SLITRK2: variants seen among roughly 807,000 people sequenced by gnomAD.
SLITRK2 encodes SLIT and NTRK like family member 2, also known as SLIT and NTRK-like protein 2.
A neutral mutation model predicts 35.4 loss-of-function variants in SLITRK2; 13 were observed. The ratio of observed to expected loss-of-function variants is 0.37; its 90% CI spans 0.24 to 0.58. The LOEUF is 0.58. Ranked by LOEUF, SLITRK2 falls within the 20% of genes least tolerant of loss-of-function variation. The probability of loss-of-function intolerance (pLI) is 0.75; values close to 1 mark genes in which losing one functional copy is unlikely to be tolerated. For synonymous variants in SLITRK2, 294 were observed against 264.7 expected, an observed-to-expected ratio of 1.11 and a Z score of -1.07; for missense variants, 471 against 634.3, an observed-to-expected ratio of 0.74 and a Z score of 2.76.
In SLITRK2 at chrX:145,825,011, C is replaced by T. The variant is rs782590382; in HGVS notation, c.*48C>T. On this transcript the variant is annotated 3_prime_UTR_variant, in exon 5 of 5. Coordinates refer to ENST00000335565, the MANE Select transcript of SLITRK2 (RefSeq NM_032539.5). ...AGGCATCAGAGGATGCTGCTCCGAACTGTTGGAAACAAGGACATTAGCTTT... is the reference window on the plus strand; with the variant it reads ...AGGCATCAGAGGATGCTGCTCCGAATTGTTGGAAACAAGGACATTAGCTTT... 3.2e-5 allele frequency: 37 copies of T among 1,140,886 alleles called. No individual in the cohort carries two copies. The highest frequency in any genetic ancestry group is 4.1e-5 in the Non-Finnish European group (35 of 856,532). 94.0% of individuals were successfully genotyped at this position (1,140,886 alleles called of 1,213,427 possible).
chrX:145,819,984 G>A (rs1390529956), intron 1 of SLITRK2: 2 of 111,783 alleles, frequency 1.8e-5, no homozygotes, highest in East Asian at 2.8e-4. Flanking sequence ...CGCCCTTCCC[G>A]GAGAGAAAGG....
chrX:145,827,557 C>T lies in SLITRK2; in HGVS notation c.*2594C>T, dbSNP rs2073137328. ...ACTTACTTACACGATTTTAAAGACG[C>T]CTACTGAGAGAACTCAAATTTATAA... On this transcript the variant is annotated 3_prime_UTR_variant, in exon 5 of 5. Coordinates refer to ENST00000335565, the MANE Select transcript of SLITRK2 (RefSeq NM_032539.5). 1 of 626,531 alleles carries T rather than the reference C, an allele frequency of 1.6e-6. No homozygotes were observed. Among genetic ancestry groups the T allele is most frequent in the South Asian group, 4.0e-5 (1 of 24,827 alleles). 51.6% of individuals were successfully genotyped at this position (626,531 alleles called of 1,213,427 possible).
Position 145,829,165 on chromosome X carries a change from A to G in SLITRK2, c.*4202A>G, listed in dbSNP as rs781872494. ...ATATAGGTGTACTTTGCTTCTCACA[A>G]TGATTGTGCAAAAAGTCACGTGTAA... On this transcript the variant is annotated 3_prime_UTR_variant, in exon 5 of 5. Coordinates refer to ENST00000335565, the MANE Select transcript of SLITRK2 (RefSeq NM_032539.5). 1.2e-4 allele frequency: 15 copies of G among 123,863 alleles called. 1 individual carries two copies. The Admixed American group carries it at 1.3e-3, about 11-fold the overall frequency. The allele number at this position is 123,863 out of a possible 1,213,427, so 10.2% of individuals were successfully genotyped here. A position where few individuals can be genotyped will look rare whatever the true frequency, so the allele number is the denominator to read the frequency against.
chrX:145,829,854 A>C lies in SLITRK2; in HGVS notation c.*4891A>C, dbSNP rs1556946461. On this transcript the variant is annotated 3_prime_UTR_variant, in exon 5 of 5. Coordinates refer to ENST00000335565, the MANE Select transcript of SLITRK2 (RefSeq NM_032539.5). The stretch of plus-strand genomic sequence containing the variant: ...TGCCTAATAGTGACATTGTTTCAAA[A>C]AATAAATGTCATATTTTGGGCTGTT... 1 of 123,504 alleles carries C rather than the reference A, an allele frequency of 8.1e-6. No individual in the cohort carries two copies. Among genetic ancestry groups the C allele is most frequent in the Admixed American group, 9.5e-5 (1 of 10,580 alleles). 10.2% of individuals were successfully genotyped at this position (123,504 alleles called of 1,213,427 possible).
At position 145,822,738 on chromosome X, in the gene SLITRK2, G is replaced by T. The variant is rs1382999990; in HGVS notation, c.313G>T (p.Ala105Ser). The change falls in exon 5 of 5, where the codon GCA becomes TCA. Residue 105 changes from alanine (A) to serine (S), a missense_variant. Around this residue, in one of 7 missense-constraint regions of SLITRK2, gnomAD observed 98 missense variants for 120.6 expected, o/e 0.81. Coordinates refer to ENST00000335565, the MANE Select transcript of SLITRK2 (RefSeq NM_032539.5). ...NNGLQEIRTG[A>S]FSGLKTLKRL... ...CGGGTTACAGGAGATCCGAACGGGG[G>T]CATTCAGTGGCCTGAAAACTCTCAA... is the stretch of plus-strand genomic sequence containing the variant. 8.3e-7 allele frequency: 1 copy of T among 1,208,801 alleles called. No homozygotes were observed. Among genetic ancestry groups the T allele is most frequent in the Non-Finnish European group, 1.1e-6 (1 of 894,876 alleles).
chrX:145,828,101 C>T lies in SLITRK2; in HGVS notation c.*3138C>T. 1.2e-6 allele frequency: 1 copy of T among 840,766 alleles called. No individual in the cohort carries two copies. Among genetic ancestry groups the T allele is most frequent in the Middle Eastern group, 2.9e-4 (1 of 3,424 alleles). 69.3% of individuals were successfully genotyped at this position (840,766 alleles called of 1,213,427 possible). The stretch of plus-strand genomic sequence containing the variant: ...CTGTGGCTAAGTTTTTATTGAAACA[C>T]TCAAAAATACCACTTCTCAGTATGA... On this transcript the variant is annotated 3_prime_UTR_variant, in exon 5 of 5. Transcript: ENST00000335565.
At position 145,821,386 on chromosome X, in the gene SLITRK2, G is replaced by C. The variant is rs1391228915; in HGVS notation, c.-691G>C. 9.1e-6 allele frequency: 1 copy of C among 109,895 alleles called. No homozygotes were observed. Among genetic ancestry groups the C allele is most frequent in the Non-Finnish European group, 1.9e-5 (1 of 52,555 alleles). The allele number at this position is 109,895 out of a possible 1,213,427, so 9.1% of individuals were successfully genotyped here. ...TAGTTCAGAATCAACTGACGCAGCCGGGAATTGAGCTTTGCAAAGCCACTT... is the reference window on the plus strand; with the variant it reads ...TAGTTCAGAATCAACTGACGCAGCCCGGAATTGAGCTTTGCAAAGCCACTT... On this transcript the variant is annotated 5_prime_UTR_variant, in exon 3 of 5. Transcript: ENST00000335565.
Position 145,824,117 on chromosome X carries a change from T to G in SLITRK2, c.1692T>G (p.His564Gln). The stretch of plus-strand genomic sequence containing the variant: ...TGACTTGCGAATCTCCTGCTAAGCA[T>G]GCAGGGGAGATACTAAAATTTCTGG... ...NEVTCESPAK[H>Q]AGEILKFLGR... is the part of the protein sequence containing the mutation. Residue 564 changes from histidine (H) to glutamine (Q), a missense_variant, in exon 5 of 5, where the codon CAT (histidine) becomes CAG (glutamine). This residue lies in a region of SLITRK2 where 92 missense variants were observed against 184.2 expected (regional missense o/e 0.50). Transcript: ENST00000335565. 1 of 1,210,831 alleles carries G rather than the reference T, an allele frequency of 8.3e-7. No individual in the cohort carries two copies. The highest frequency in any genetic ancestry group is 1.1e-6 in the Non-Finnish European group (1 of 895,157).
rs2073136846 is a variant in SLITRK2, at chrX:145,827,496, T to G, written c.*2533T>G. 1 of 358,047 alleles carries G rather than the reference T, an allele frequency of 2.8e-6. No individual in the cohort carries two copies. Among genetic ancestry groups the G allele is most frequent in the East Asian group, 4.9e-5 (1 of 20,473 alleles). The allele number at this position is 358,047 out of a possible 1,213,427, so 29.5% of individuals were successfully genotyped here. Reference sequence around the variant, plus strand: ...CATTGTCCATAGAAAAAATATTAACTCATTAAGTTTAAAGACAGATGATAC... The same window carrying G: ...CATTGTCCATAGAAAAAATATTAACGCATTAAGTTTAAAGACAGATGATAC... On this transcript the variant is annotated 3_prime_UTR_variant, in exon 5 of 5. Transcript: ENST00000335565.
chrX:145,819,668 A>T (rs929445019), intron 1 of SLITRK2: 3 of 112,320 alleles, frequency 2.7e-5, no homozygotes, highest in African/African-American at 9.7e-5. Flanking sequence ...TTGTGCTCCC[A>T]CTGCATCAGA....
rs1395403141 is a variant in SLITRK2, at chrX:145,821,687, C to T, written c.-390C>T. On this transcript the variant is annotated 5_prime_UTR_variant, in exon 3 of 5. Coordinates refer to ENST00000335565, the MANE Select transcript of SLITRK2 (RefSeq NM_032539.5). ...TCCCTGGCAGCTCGGCTTCCCTCAG[C>T]TCCAACTCTTCTCTTCCGCTCCTGC... is the stretch of plus-strand genomic sequence containing the variant. The T allele has an allele frequency of 1.8e-5, 2 of 111,824 alleles. No individual in the cohort carries two copies. Among genetic ancestry groups the T allele is most frequent in the African/African-American group, 6.5e-5 (2 of 30,716 alleles). The allele number at this position is 111,824 out of a possible 1,213,427, so 9.2% of individuals were successfully genotyped here. A position where few individuals can be genotyped will look rare whatever the true frequency, so the allele number is the denominator to read the frequency against.
At position 145,825,911 on chromosome X, in the gene SLITRK2, TTA is replaced by T. The variant is rs1234371461; in HGVS notation, c.*949_*950del. 2.5e-5 allele frequency: 3 copies of T among 120,343 alleles called. No individual in the cohort carries two copies. The highest frequency in any genetic ancestry group is 5.6e-5 in the Non-Finnish European group (3 of 53,276). The allele number at this position is 120,343 out of a possible 1,213,427, so 9.9% of individuals were successfully genotyped here. A position where few individuals can be genotyped will look rare whatever the true frequency, so the allele number is the denominator to read the frequency against. On this transcript the variant is annotated 3_prime_UTR_variant, in exon 5 of 5. Transcript: ENST00000335565. Reference sequence around the variant, plus strand: ...ATTTTACACTAACATGGTGAGTGTTTTAGATTATTTTCCTAATTAAAAGAACG... The same window carrying T: ...ATTTTACACTAACATGGTGAGTGTTTGATTATTTTCCTAATTAAAAGAACG...
chrX:145,827,889 A>T lies in SLITRK2; in HGVS notation c.*2926A>T. 1 of 1,211,101 alleles carries T rather than the reference A, an allele frequency of 8.3e-7. No homozygotes were observed. Among genetic ancestry groups the T allele is most frequent in the Non-Finnish European group, 1.1e-6 (1 of 895,180 alleles). On this transcript the variant is annotated 3_prime_UTR_variant, in exon 5 of 5. Transcript: ENST00000335565. The stretch of plus-strand genomic sequence containing the variant: ...TTCCACAGCTGGATATTGCTATTTC[A>T]CTTTTATTTCACATGCAGCTTTAAG...
At position 145,822,601 on chromosome X, in the gene SLITRK2, C is replaced by A. The variant is rs782547406; in HGVS notation, c.176C>A (p.Pro59His). The A allele has an allele frequency of 8.3e-7, 1 of 1,211,177 alleles. No homozygotes were observed. Among genetic ancestry groups the A allele is most frequent in the Non-Finnish European group, 1.1e-6 (1 of 894,954 alleles). Residue 59 changes from proline to histidine, a missense_variant, in exon 5 of 5, where the codon CCC becomes CAC. Physicochemically the swap from Pro to His is moderately conservative, Grantham distance 77. Around this residue, in one of 7 missense-constraint regions of SLITRK2, gnomAD observed 98 missense variants for 120.6 expected, o/e 0.81. Transcript: ENST00000335565. ...TTTACAACAGTTAGCCTGCTCCAGC[C>A]CCCCCAGTATCGAATCTATCAGCTT... ...KGFTTVSLLQPPQYRIYQLFL... is the reference protein window; with the variant it reads ...KGFTTVSLLQHPQYRIYQLFL...
In SLITRK2 at chrX:145,823,592, T is replaced by C. The variant is rs1032203138; in HGVS notation, c.1167T>C (p.Thr389=). The C allele has an allele frequency of 5.8e-6, 7 of 1,211,676 alleles. No homozygotes were observed. The highest frequency in any genetic ancestry group is 4.3e-5 in the Admixed American group (2 of 46,103). Residue 389 remains threonine (T), a synonymous_variant, in exon 5 of 5, where the codon ACT becomes ACC. Transcript: ENST00000335565. ...KLYLTGNYLQ[T]VYKNDLLEYS... ...ACCTAACAGGGAACTATCTTCAAACTGTCTATAAGAATGACCTCTTAGAAT... is the reference window on the plus strand; with the variant it reads ...ACCTAACAGGGAACTATCTTCAAACCGTCTATAAGAATGACCTCTTAGAAT...
intron 1 of SLITRK2, chrX:145,818,586 C>A (rs1344879224): frequency 1.8e-5 from 2 of 112,727 alleles, no homozygotes; most frequent in Non-Finnish European, 3.8e-5. Flanking sequence ...AGTGCCCCCT[C>A]TCTGGTTCCC....
At position 145,829,022 on chromosome X, in the gene SLITRK2, T is replaced by C. The variant is rs916183716; in HGVS notation, c.*4059T>C. The C allele has an allele frequency of 8.1e-5, 10 of 123,523 alleles. No homozygotes were observed. Among genetic ancestry groups the C allele is most frequent in the Non-Finnish European group, 3.8e-5 (2 of 53,312 alleles). The allele number at this position is 123,523 out of a possible 1,213,427, so 10.2% of individuals were successfully genotyped here. A position where few individuals can be genotyped will look rare whatever the true frequency, so the allele number is the denominator to read the frequency against. ...TTAAATTTTCTGGAATATCCATGTT[T>C]CAGAGGTAATATTTACTTTCTATTT... On this transcript the variant is annotated 3_prime_UTR_variant, in exon 5 of 5. Coordinates refer to ENST00000335565, the MANE Select transcript of SLITRK2 (RefSeq NM_032539.5).
Position 145,822,138 on chromosome X carries a change from C to T in SLITRK2, c.-59C>T. On this transcript the variant is annotated 5_prime_UTR_variant, in exon 4 of 5. Coordinates refer to ENST00000335565, the MANE Select transcript of SLITRK2 (RefSeq NM_032539.5). Reference sequence around the variant, plus strand: ...CTAATGACTTGGCGGCTGGCTGCGACCCCCCGGGAAATCAGGTGCAAGCAT... The same window carrying T: ...CTAATGACTTGGCGGCTGGCTGCGATCCCCCGGGAAATCAGGTGCAAGCAT... 3.4e-6 allele frequency: 1 copy of T among 297,768 alleles called. No individual in the cohort carries two copies. Among genetic ancestry groups the T allele is most frequent in the Non-Finnish European group, 5.8e-6 (1 of 171,926 alleles). 24.5% of individuals were successfully genotyped at this position (297,768 alleles called of 1,213,427 possible).
chrX:145,819,350 A>G (rs1176633298), intron 1 of SLITRK2: 3 of 111,907 alleles, frequency 2.7e-5, no homozygotes, highest in African/African-American at 9.8e-5. Flanking sequence ...ATTCATATTA[A>G]GCAGTAGTGT....
Sources: allele counts gnomAD v4.1 joint callset, GRCh38; gene constraint gnomAD v4.1.1; regional missense constraint gnomAD v4.1.1; transcripts MANE v1.5; gene names NCBI Gene and HGNC (gene_info 2026-07-23, HGNC 2026-07-21).